PGBD2: variants seen among roughly 807,000 people sequenced by gnomAD.
The protein encoded by PGBD2 is piggyBac transposable element-derived protein 2.
A neutral mutation model predicts 8.1 loss-of-function variants in PGBD2; 6 were observed. The observed-to-expected ratio is 0.74, with a 90% CI of 0.40 to 1.46. The LOEUF is 1.46. Among genes scored for constraint, PGBD2 ranks in the 40% most tolerant of loss-of-function variants. The pLI, the probability that PGBD2 is intolerant of heterozygous loss-of-function variation, is 0.02. For synonymous variants in PGBD2, 318 were observed against 272.2 expected (o/e 1.17, Z -1.66); for missense variants, 802 against 739.0 (o/e 1.09, Z -0.99).
the PGBD2 span, among the ~76,000 whole-genome samples, chr1:248,874,933 G>GATAGATAGATAGACAA: frequency 2.0e-5 from 3 of 150,700 alleles, no homozygotes; most frequent in African/African-American, 7.5e-5. Flanking sequence ...TAGATAGATA[G>GATAGATAGATAGACAA]ATAGATAGAT....
chr1:248,884,363 C>G, the PGBD2 span, among the ~76,000 whole-genome samples: 47 of 151,246 alleles, frequency 3.1e-4, no homozygotes, highest in African/African-American at 1.0e-3. Flanking sequence ...TTTTTTGAGA[C>G]AGAGTCTCGC....
At chr1:248,873,920 G>C in the PGBD2 span, among the ~76,000 whole-genome samples, 1 of 152,182 alleles carries the variant, frequency 6.6e-6, no homozygotes, top group Non-Finnish European at 1.5e-5. Context: ...GGGCTTTCTG[G>C]TCTCCGGATG....
chr1:248,902,249 A>T (rs2103097397), upstream of PGBD2, among the ~76,000 whole-genome samples: 1 of 151,626 alleles, frequency 6.6e-6, no homozygotes, highest in South Asian at 2.1e-4. Flanking sequence ...AGCCTGGACA[A>T]CAGAGCAAGA....
the PGBD2 span, among the ~76,000 whole-genome samples, chr1:248,928,260 C>T: frequency 6.6e-6 from 1 of 152,190 alleles, no homozygotes; most frequent in Non-Finnish European, 1.5e-5. Context: ...CTTGTTACTG[C>T]ATATTTTCTT....
chr1:248,906,557 C>G (rs952381714), intron 1 of PGBD2: 1 of 124,436 alleles, frequency 8.0e-6, no homozygotes, highest in Non-Finnish European at 1.7e-5. Context: ...GGCCGGAGGC[C>G]GGGCCGGCTG....
In PGBD2 at chr1:248,911,044, C is replaced by A. The variant is rs535271114; in HGVS notation, c.-47-2772C>A. Among the ~76,000 whole-genome samples, 12 of 152,208 alleles carry A rather than the reference C, an allele frequency of 7.9e-5. No homozygotes were observed. The South Asian group carries it at 1.9e-3, about 24-fold the overall frequency. The stretch of plus-strand genomic sequence containing the variant: ...TTCCCTCCCAGCCCTATTTGCCCCC[C>A]CATCTCGAGCACCCACGAATGTGTT... On this transcript the variant is annotated intron_variant, in intron 1 of 2. Coordinates refer to ENST00000329291, the MANE Select transcript of PGBD2 (RefSeq NM_170725.3).
the PGBD2 span, among the ~76,000 whole-genome samples, chr1:248,889,049 A>G: frequency 7.0e-6 from 1 of 142,192 alleles, no homozygotes; most frequent in South Asian, 2.1e-4. Context: ...ACTTTTGACT[A>G]TGACTTATAA....
At chr1:248,902,451 T>C (rs1661551646), upstream of PGBD2, among the ~76,000 whole-genome samples, 1 of 152,096 alleles carries the variant, frequency 6.6e-6, no homozygotes, top group South Asian at 2.1e-4. Flanking sequence ...TCCTCAAAGA[T>C]CTAAAATCAG....
intron 1 of PGBD2, among the ~76,000 whole-genome samples, chr1:248,911,507 A>G (rs1661874211): frequency 1.4e-5 from 2 of 146,016 alleles, no homozygotes; most frequent in Non-Finnish European, 2.9e-5. Context: ...AAAGTCTCCC[A>G]TGTCTACTTC....
At chr1:248,874,285 C>T in the PGBD2 span, among the ~76,000 whole-genome samples, 6 of 152,184 alleles carry the variant, frequency 3.9e-5, no homozygotes, top group Admixed American at 2.0e-4. Context: ...GGCGCTCTCA[C>T]CGCCGCGGCC....
chr1:248,883,887 G>A, the PGBD2 span, among the ~76,000 whole-genome samples: 4 of 152,012 alleles, frequency 2.6e-5, no homozygotes, highest in Non-Finnish European at 4.4e-5. Context: ...ATGAGCCACC[G>A]TGCCCGACCC....
chr1:248,895,148 T>C, the PGBD2 span, among the ~76,000 whole-genome samples: 945 of 152,264 alleles, frequency 6.2e-3, 14 homozygotes, highest in African/African-American at 0.021. Context: ...CAGCCAGTCA[T>C]TGAACCTGAG....
chr1:248,928,590 G>A, the PGBD2 span, among the ~76,000 whole-genome samples: 1 of 152,168 alleles, frequency 6.6e-6, no homozygotes, highest in African/African-American at 2.4e-5. Context: ...TCTAGTGGTT[G>A]TGTTCTGAGG....
chr1:248,878,482 T>C, the PGBD2 span, among the ~76,000 whole-genome samples: 1 of 152,188 alleles, frequency 6.6e-6, no homozygotes, highest in African/African-American at 2.4e-5. Flanking sequence ...TGCTTCCACA[T>C]CCTTTATGAC....
chr1:248,892,530 A>C, the PGBD2 span, among the ~76,000 whole-genome samples: 1 of 152,056 alleles, frequency 6.6e-6, no homozygotes, highest in Non-Finnish European at 1.5e-5. Context: ...AACAAGAATA[A>C]AAATGAAGAG....
At chr1:248,920,369 T>G (rs956275206), downstream of PGBD2, among the ~76,000 whole-genome samples, 1 of 150,760 alleles carries the variant, frequency 6.6e-6, no homozygotes, top group African/African-American at 2.4e-5. Flanking sequence ...ATTGTTCAAC[T>G]CCCACTTATG....
downstream of PGBD2, among the ~76,000 whole-genome samples, chr1:248,922,460 C>T (rs549529636): frequency 5.3e-5 from 8 of 152,310 alleles, no homozygotes; most frequent in African/African-American, 1.9e-4. Flanking sequence ...CTTTCTCTTG[C>T]CTCATTGCCC....
chr1:248,896,740 G>C, the PGBD2 span, among the ~76,000 whole-genome samples: 1 of 152,206 alleles, frequency 6.6e-6, no homozygotes, highest in Non-Finnish European at 1.5e-5. Context: ...ACCTTCAACT[G>C]AGATATCCAG....
chr1:248,887,107 C>G, the PGBD2 span, among the ~76,000 whole-genome samples: 1 of 151,136 alleles, frequency 6.6e-6, no homozygotes, highest in Non-Finnish European at 1.5e-5. Context: ...AGAAAAGTTA[C>G]AAAAATTATA....
Sources: allele counts gnomAD v4.1 joint callset (sites outside exome capture counted in the v4.1 genomes callset), GRCh38; gene constraint gnomAD v4.1.1; transcripts MANE v1.5; gene names NCBI Gene and HGNC (gene_info 2026-07-23, HGNC 2026-07-21).